CFAP92: variants seen among roughly 807,000 people sequenced by gnomAD.
CFAP92 encodes the protein uncharacterized protein CFAP92.
Under a neutral mutation model 106.3 loss-of-function variants are expected in CFAP92, and 86 were observed. That is an observed-to-expected ratio of 0.81 (90% CI 0.68 to 0.97). The LOEUF (loss-of-function observed/expected upper bound fraction) is 0.97, where lower values mean the gene tolerates loss of function less well. Among genes scored for constraint, CFAP92 ranks in the 50% least tolerant of loss-of-function variants. The pLI is 0.00. For missense variants in CFAP92, 1,204 were observed against 1,283.8 expected (o/e 0.94, Z 0.95); for synonymous variants, 477 against 506.4 (o/e 0.94, Z 0.78).
intron 4 of CFAP92, among the ~76,000 whole-genome samples, chr3:128,981,717 T>C (rs1375207695): frequency 3.3e-5 from 5 of 152,244 alleles, no homozygotes; most frequent in Non-Finnish European, 7.3e-5. Flanking sequence ...ATGTGGCTTT[T>C]AGATAATAAG....
chr3:129,020,768 T>G, the CFAP92 span, among the ~76,000 whole-genome samples: 1 of 152,212 alleles, frequency 6.6e-6, no homozygotes, highest in Non-Finnish European at 1.5e-5. Context: ...AAAGGCTCTG[T>G]GAGCCCAGAG....
At chr3:128,956,193 A>T (rs1342710180) in intron 9 of CFAP92, among the ~76,000 whole-genome samples, 8 of 104,904 alleles carry the variant, frequency 7.6e-5, no homozygotes, top group East Asian at 2.2e-4. Context: ...TTAAAAAAAA[A>T]AATAAAAAAA....
chr3:128,996,302 T>C (rs952155269), upstream of CFAP92, among the ~76,000 whole-genome samples: 1 of 152,206 alleles, frequency 6.6e-6, no homozygotes, highest in Non-Finnish European at 1.5e-5. Flanking sequence ...TGAGAAATTG[T>C]AGATTTATAA....
chr3:129,001,954 C>G (rs1944788771), intron 1 of CFAP92: 2 of 1,543,694 alleles, frequency 1.3e-6, no homozygotes, highest in African/African-American at 2.8e-5. Context: ...AGAGATGTGA[C>G]CCCCGGGGAT....
At chr3:129,007,181 A>G (rs1945110395), upstream of CFAP92, among the ~76,000 whole-genome samples, 1 of 152,218 alleles carries the variant, frequency 6.6e-6, no homozygotes. Context: ...CTCCTACCCC[A>G]GAAACATCGG....
intron 5 of CFAP92, among the ~76,000 whole-genome samples, 158 bp downstream of exon 5, chr3:128,977,887 G>C (rs542926882): frequency 1.1e-4 from 17 of 152,222 alleles, no homozygotes; most frequent in Non-Finnish European, 2.4e-4. Context: ...CATGCAGCAA[G>C]AGCAATACAG....
At chr3:128,930,339 G>C (rs1938220410) in intron 12 of CFAP92, among the ~76,000 whole-genome samples, 2 of 152,174 alleles carry the variant, frequency 1.3e-5, no homozygotes, top group African/African-American at 4.8e-5. Context: ...TTTTAGTAGA[G>C]ATGGGGTTTC....
Position 128,948,377 on chromosome 3 carries a change from C to CTTT in CFAP92, c.1354-2405_1354-2403dup, listed in dbSNP as rs4040748. ...GCCCCACTAATTTTTCTTTTCTTTC[C>CTTT]TTTTTTTTTTTTTTTTTTTTTTTTT... On this transcript the variant is annotated intron_variant, in intron 9 of 15. Transcript: ENST00000645291. Among the ~76,000 whole-genome samples the CTTT allele has an allele frequency of 1.1e-3, 85 of 79,768 alleles. 4 individuals are homozygous for CTTT. The highest frequency in any genetic ancestry group is 4.2e-3 in the South Asian group (8 of 1,886). 52.3% of individuals were successfully genotyped at this position (79,768 alleles called of 152,430 possible). A position where few individuals can be genotyped will look rare whatever the true frequency, so the allele number is the denominator to read the frequency against.
At position 128,923,329 on chromosome 3, in the gene CFAP92, TG is replaced by T. The variant is rs539375730; in HGVS notation, c.2752-7059del. 1.1e-4 allele frequency among the ~76,000 whole-genome samples: 17 copies of T among 152,238 alleles called. No individual in the cohort carries two copies. In the South Asian group the frequency reaches 2.9e-3, roughly 26 times the overall value. ...CACGCTGACATCAACCCCCATAACA[TG>T]GGGGCAGATCAAGAAAACCACACAG... On this transcript the variant is annotated intron_variant, in intron 12 of 15. Coordinates refer to ENST00000645291, the MANE Select transcript of CFAP92 (RefSeq NM_001394090.1).
intron 2 of CFAP92, chr3:128,991,958 G>A (rs1419025346): frequency 2.4e-6 from 2 of 830,102 alleles, no homozygotes; most frequent in African/African-American, 3.7e-5. Context: ...AATGCTAGCA[G>A]GTGGGAGACA....
intron 1 of CFAP92, chr3:129,002,143 C>T (rs542109937): frequency 2.6e-5 from 38 of 1,472,986 alleles, no homozygotes; most frequent in Non-Finnish European, 3.2e-5. Context: ...CACATCGAGA[C>T]GCAGATCCGC....
At chr3:128,987,474 G>T in intron 4 of CFAP92, 142 bp downstream of exon 4, 2 of 687,232 alleles carry the variant, frequency 2.9e-6, no homozygotes, top group Non-Finnish European at 2.5e-6. Flanking sequence ...AGCATGGCCT[G>T]GTGGGATGCC....
At chr3:128,968,764 T>G (rs1255123323) in intron 8 of CFAP92, 1 of 152,326 alleles carries the variant, frequency 6.6e-6, no homozygotes, top group East Asian at 1.9e-4. Flanking sequence ...AGTTCTTACA[T>G]GTGAACCCCT....
rs532881861 is a variant in CFAP92, at chr3:128,930,918, T to G, written c.2751+1782A>C. On this transcript the variant is annotated intron_variant, in intron 12 of 15. Transcript: ENST00000645291. ...TTTGACTTTTTTTGTTTGTTTGTTT[T>G]TTTGAGACAGGGTCTCATTCTGTTG... 1.2e-4 allele frequency among the ~76,000 whole-genome samples: 19 copies of G among 152,280 alleles called. No homozygotes were observed. The South Asian group carries it at 1.4e-3, about 12-fold the overall frequency.
At chr3:128,991,630 A>T in intron 2 of CFAP92, 1 of 232,116 alleles carries the variant, frequency 4.3e-6, no homozygotes, top group Non-Finnish European at 7.3e-6. Context: ...TTTACAGGAG[A>T]CTATAAAACC....
At chr3:128,920,772 G>A (rs1271225981) in intron 12 of CFAP92, among the ~76,000 whole-genome samples, 1 of 152,180 alleles carries the variant, frequency 6.6e-6, no homozygotes, top group East Asian at 1.9e-4. Context: ...CAAGGGCGTG[G>A]CTTGGACGGA....
chr3:128,991,710 A>G, intron 2 of CFAP92: 3 of 988,776 alleles, frequency 3.0e-6, no homozygotes, highest in Non-Finnish European at 3.7e-6. Flanking sequence ...GCGTTCATTG[A>G]AACAGCATGT....
Position 128,987,677 on chromosome 3 carries a change from G to A in CFAP92, c.606C>T (p.Val202=), listed in dbSNP as rs1340809381. ...CGGCAGTCTTTAATCGGTAATATCT[G>A]ACTTTTCTTGACATCTTGTCTTTAG... The part of the protein sequence containing the change: ...WNTKDKMSRK[V]RYYRLKTAGF... The change falls in exon 4 of 16, where the codon GTC becomes GTT. Residue 202 remains valine (V), a synonymous_variant. Transcript: ENST00000645291. The A allele has an allele frequency of 6.2e-7, 1 of 1,613,998 alleles. No homozygotes were observed. Among genetic ancestry groups the A allele is most frequent in the Admixed American group, 1.7e-5 (1 of 60,022 alleles).
At chr3:128,984,215 AT>A (rs1401439966) in intron 4 of CFAP92, among the ~76,000 whole-genome samples, 1 of 152,218 alleles carries the variant, frequency 6.6e-6, no homozygotes, top group Non-Finnish European at 1.5e-5. Context: ...GTGATGGTTA[AT>A]ACTAAGTGTC....
Sources: gnomAD v4.1 joint callset for allele counts (sites outside exome capture counted in the v4.1 genomes callset) on GRCh38, gnomAD v4.1.1 for gene constraint, MANE v1.5 for transcripts, NCBI Gene and HGNC (gene_info 2026-07-23, HGNC 2026-07-21) for gene names.